Variants in LMCD1 observed in about 807,000 individuals in gnomAD.
The protein encoded by LMCD1 is LIM and cysteine rich domains 1.
A neutral mutation model predicts 42.7 loss-of-function variants in LMCD1; 32 were observed. The ratio of observed to expected loss-of-function variants is 0.75; its 90% CI spans 0.57 to 1.01. LMCD1 has a LOEUF of 1.01. Among genes scored for constraint, LMCD1 ranks in the 50% least tolerant of loss-of-function variants. LMCD1 has a pLI of 0.00. For synonymous variants in LMCD1, 178 were observed against 184.9 expected (o/e 0.96, Z 0.30); for missense variants, 458 against 483.1 (o/e 0.95, Z 0.49).
At chr3:8,553,265 T>C (rs1014295483) in intron 4 of LMCD1, among the ~76,000 whole-genome samples, 3 of 151,780 alleles carry the variant, frequency 2.0e-5, no homozygotes, top group African/African-American at 7.3e-5. Context: ...GTCCACCTGC[T>C]GGGGGACGTC....
At position 8,545,947 on chromosome 3, in the gene LMCD1, C is replaced by T. The variant is rs529127410; in HGVS notation, c.388-2621C>T. ...GTTCAAGACCAACCTGCCAACATGG[C>T]GAAACCCCGTCTCTACTAAAAATAC... On this transcript the variant is annotated intron_variant, in intron 3 of 5. Transcript: ENST00000157600. 3.8e-4 allele frequency among the ~76,000 whole-genome samples: 58 copies of T among 152,180 alleles called. 1 individual carries two copies. Among genetic ancestry groups the T allele is most frequent in the African/African-American group, 1.3e-3 (55 of 41,532 alleles).
chr3:8,502,639 A>C (rs1018076209), intron 1 of LMCD1, among the ~76,000 whole-genome samples: 1 of 150,018 alleles, frequency 6.7e-6, no homozygotes, highest in Non-Finnish European at 1.5e-5. Flanking sequence ...TGATGTTGGC[A>C]GTGGCAGCAG....
chr3:8,504,092 G>A (rs1693824989), intron 1 of LMCD1, among the ~76,000 whole-genome samples: 1 of 152,172 alleles, frequency 6.6e-6, no homozygotes, highest in Non-Finnish European at 1.5e-5. Context: ...AGAATGTGGT[G>A]GGTAGAGATG....
intron 3 of LMCD1, among the ~76,000 whole-genome samples, chr3:8,545,198 A>G (rs572550899): frequency 1.3e-5 from 2 of 152,204 alleles, no homozygotes; most frequent in Non-Finnish European, 2.9e-5. Context: ...CTTTTCTAAG[A>G]AAAAGCGATT....
chr3:8,534,588 T>C (rs987802421), intron 2 of LMCD1, among the ~76,000 whole-genome samples: 2 of 152,220 alleles, frequency 1.3e-5, no homozygotes, highest in Non-Finnish European at 2.9e-5. Context: ...CCTGTTAAAC[T>C]TTTTTATGCT....
Position 8,537,640 on chromosome 3 carries a change from C to T in LMCD1, c.387+200C>T. On this transcript the variant is annotated intron_variant, in intron 3 of 5. Transcript: ENST00000157600. ...TATCTGGGCCTCGGTTTTCCTTATCCATGAAATGGGTAGAGGTGTTCATAT... is the reference window on the plus strand; with the variant it reads ...TATCTGGGCCTCGGTTTTCCTTATCTATGAAATGGGTAGAGGTGTTCATAT... 3.6e-6 allele frequency: 2 copies of T among 550,544 alleles called. 1 individual carries two copies. The highest frequency in any genetic ancestry group is 6.9e-5 in the Admixed American group (2 of 29,048). The allele number at this position is 550,544 out of a possible 1,614,324, so 34.1% of individuals were successfully genotyped here.
intron 1 of LMCD1, among the ~76,000 whole-genome samples, chr3:8,522,751 A>T (rs1694229595): frequency 6.6e-6 from 1 of 152,226 alleles, no homozygotes; most frequent in Non-Finnish European, 1.5e-5. Context: ...TTGAACCTGG[A>T]AAAACTAATC....
intron 1 of LMCD1, among the ~76,000 whole-genome samples, chr3:8,509,009 C>T (rs923657761): frequency 2.3e-4 from 35 of 152,208 alleles, no homozygotes; most frequent in African/African-American, 8.0e-4. Flanking sequence ...CTGCAAACTT[C>T]GCCAAGTTAC....
At position 8,558,540 on chromosome 3, in the gene LMCD1, G is replaced by A. The variant is rs146101145; in HGVS notation, c.724-6892G>A. On this transcript the variant is annotated intron_variant, in intron 4 of 5. Transcript: ENST00000157600. ...AGGTCACATGACAAATGTTGGAAAC[G>A]TTCTCACGAGCAAGCTCCAATCTTA... Among the ~76,000 whole-genome samples the A allele has an allele frequency of 1.8e-3, 277 of 152,292 alleles. 2 individuals carry two copies. Among genetic ancestry groups the A allele is most frequent in the African/African-American group, 6.5e-3 (270 of 41,564 alleles).
rs1028539628 is a variant in LMCD1, at chr3:8,571,127, C to T, written c.*3529C>T. ...TCTCTAGGAAGACTTTCCTCCCTCA[C>T]CCTTCCCTTGGGGTGTTTTAGGTGC... On this transcript the variant is annotated 3_prime_UTR_variant, in exon 6 of 6. Transcript: ENST00000157600. 3 of 152,178 alleles carry T rather than the reference C, an allele frequency of 2.0e-5. No individual in the cohort carries two copies. The highest frequency in any genetic ancestry group is 2.1e-4 in the South Asian group (1 of 4,830). The allele number at this position is 152,178 out of a possible 1,614,324, so 9.4% of individuals were successfully genotyped here.
At chr3:8,515,856 A>G (rs1694087353) in intron 1 of LMCD1, among the ~76,000 whole-genome samples, 1 of 152,028 alleles carries the variant, frequency 6.6e-6, no homozygotes, top group Non-Finnish European at 1.5e-5. Context: ...AGCACCCCTC[A>G]GTGTGGCCCC....
At chr3:8,530,431 T>G (rs958624896) in intron 1 of LMCD1, among the ~76,000 whole-genome samples, 1 of 152,188 alleles carries the variant, frequency 6.6e-6, no homozygotes, top group African/African-American at 2.4e-5. Flanking sequence ...ACATCACTAT[T>G]CTAAATCAAA....
At chr3:8,540,810 C>T (rs2125027215) in intron 3 of LMCD1, among the ~76,000 whole-genome samples, 1 of 152,300 alleles carries the variant, frequency 6.6e-6, no homozygotes, top group South Asian at 2.1e-4. Context: ...GAGTATGTTA[C>T]AGGCTCATTT....
intron 4 of LMCD1, chr3:8,551,073 G>A: frequency 1.0e-6 from 1 of 985,410 alleles, no homozygotes; most frequent in Non-Finnish European, 1.2e-6. Context: ...GGATTCCAAA[G>A]GAAGCCTTTA....
At chr3:8,503,771 A>G (rs1392443203) in intron 1 of LMCD1, among the ~76,000 whole-genome samples, 1 of 152,218 alleles carries the variant, frequency 6.6e-6, no homozygotes, top group Non-Finnish European at 1.5e-5. Context: ...CAGACACAGA[A>G]TAGTTCACGG....
chr3:8,528,441 C>G (rs895369648), intron 1 of LMCD1, among the ~76,000 whole-genome samples: 6 of 152,176 alleles, frequency 3.9e-5, no homozygotes, highest in Non-Finnish European at 7.3e-5. Context: ...AGCAATCCCC[C>G]TGCCTCAGCC....
At chr3:8,502,313 A>AATATATAATATATATT (rs1693748638) in intron 1 of LMCD1, among the ~76,000 whole-genome samples, 5 of 23,916 alleles carry the variant, frequency 2.1e-4, no homozygotes, top group South Asian at 1.7e-3. Flanking sequence ...TAATATATAA[A>AATATATAATATATATT]ATATATATTA....
intron 4 of LMCD1, among the ~76,000 whole-genome samples, chr3:8,551,717 C>T (rs973784049): frequency 2.6e-5 from 4 of 152,202 alleles, no homozygotes; most frequent in Non-Finnish European, 4.4e-5. Flanking sequence ...CCAGCAACCC[C>T]GCCATTAGGA....
intron 1 of LMCD1, among the ~76,000 whole-genome samples, chr3:8,529,331 T>G (rs923067111): frequency 6.6e-6 from 1 of 152,228 alleles, no homozygotes; most frequent in African/African-American, 2.4e-5. Flanking sequence ...TGAATCAATT[T>G]CTTCCTTGCA....
Sources: allele counts gnomAD v4.1 joint callset (sites outside exome capture counted in the v4.1 genomes callset), GRCh38; gene constraint gnomAD v4.1.1; transcripts MANE v1.5; gene names NCBI Gene and HGNC (gene_info 2026-07-23, HGNC 2026-07-21).